LRRTM3: variants seen among roughly 807,000 people sequenced by gnomAD.
LRRTM3 encodes the protein leucine-rich repeat transmembrane neuronal protein 3.
In LRRTM3, 24 loss-of-function variants were observed where a neutral mutation model predicts 44.7. The ratio of observed to expected loss-of-function variants is 0.54; its 90% CI spans 0.39 to 0.76. The LOEUF is 0.76. Among genes scored for constraint, LRRTM3 ranks in the 30% least tolerant of loss-of-function variants. The pLI is 0.00. For synonymous variants in LRRTM3, 277 were observed against 278.7 expected (o/e 0.99, Z 0.06); for missense variants, 587 against 702.2 (o/e 0.84, Z 1.85).
rs560133600 is a variant in LRRTM3 at position 67,098,268 on chromosome 10, G to C, written c.*472G>C. ...AGAGTTACTCAGTTTTGTAAGGACTGTTTTGTTACTGCTTTTGTGCCCAGA... is the reference window on the plus strand; with the variant it reads ...AGAGTTACTCAGTTTTGTAAGGACTCTTTTGTTACTGCTTTTGTGCCCAGA... On this transcript the variant is annotated 3_prime_UTR_variant, in exon 3 of 3. Coordinates refer to ENST00000361320, the MANE Select transcript of LRRTM3 (RefSeq NM_178011.5). The C allele has an allele frequency of 6.5e-6, 1 of 154,460 alleles. No individual in the cohort carries two copies. Among genetic ancestry groups the C allele is most frequent in the South Asian group, 2.0e-4 (1 of 4,960 alleles). The allele number at this position is 154,460 out of a possible 1,614,324, so 9.6% of individuals were successfully genotyped here. A position where few individuals can be genotyped will look rare whatever the true frequency, so the allele number is the denominator to read the frequency against.
chr10:66,929,949 T>C (rs183041339), intron 2 of LRRTM3, among the ~76,000 whole-genome samples: 13 of 152,342 alleles, frequency 8.5e-5, no homozygotes, highest in African/African-American at 2.4e-4. Context: ...ATTGAGGCTG[T>C]TTCATTTAAT....
intron 2 of LRRTM3, among the ~76,000 whole-genome samples, chr10:67,031,430 G>T (rs368500092): frequency 3.9e-5 from 6 of 152,084 alleles, no homozygotes; most frequent in African/African-American, 1.4e-4. Flanking sequence ...ACTATACATT[G>T]TGCTTATCAC....
In LRRTM3 at chr10:67,097,639, T is replaced by G. The variant is rs75363119; in HGVS notation, c.1589T>G (p.Ile530Arg). ...STFLAYDQPTISYCGVHHELL... is the reference protein window; with the variant it reads ...STFLAYDQPTRSYCGVHHELL... ...TTTCTGGCATACGACCAGCCCACAA[T>G]AAGTTACTGTGGGGTGCATCATGAA... Residue 530 changes from isoleucine (I) to arginine (R), a missense_variant, in exon 3 of 3, where the codon ATA (isoleucine) becomes AGA (arginine). Ile to Arg is a moderately conservative substitution (Grantham distance 97). Transcript: ENST00000361320. 11,714 of 1,612,618 alleles carry G rather than the reference T, an allele frequency of 7.3e-3. 544 individuals are homozygous for G. The East Asian group carries it at 0.12, about 16-fold the overall frequency.
chr10:67,005,976 G>C (rs938308306), intron 2 of LRRTM3, among the ~76,000 whole-genome samples: 1 of 151,770 alleles, frequency 6.6e-6, no homozygotes, highest in African/African-American at 2.4e-5. Context: ...GTGAGCCATC[G>C]CACCCAACCT....
intron 2 of LRRTM3, among the ~76,000 whole-genome samples, chr10:67,052,440 G>A (rs899526701): frequency 2.6e-5 from 4 of 151,856 alleles, no homozygotes; most frequent in Non-Finnish European, 4.4e-5. Flanking sequence ...AACGAAATGG[G>A]CTTCACAAAT....
rs201650754 is a variant in LRRTM3 at position 67,097,797 on chromosome 10, C to T, written c.*1C>T. ...TGACCATAAACAGCAGCTAGCTTAA[C>T]TGAGATCATTGGTAGCCAGGGGTTG... is the stretch of plus-strand genomic sequence containing the variant. On this transcript the variant is annotated 3_prime_UTR_variant, in exon 3 of 3. Transcript: ENST00000361320. The T allele has an allele frequency of 1.2e-6, 2 of 1,611,868 alleles. No individual in the cohort carries two copies. The highest frequency in any genetic ancestry group is 8.5e-7 in the Non-Finnish European group (1 of 1,178,632).
chr10:67,005,682 C>CTTTTTTTTT (rs11369576), intron 2 of LRRTM3, among the ~76,000 whole-genome samples: 4,530 of 61,284 alleles, frequency 0.074, 1,293 homozygotes, highest in South Asian at 0.26. Flanking sequence ...TTTACTCCAT[C>CTTTTTTTTT]TTTTTTTTTT....
At chr10:66,948,533 T>C (rs10762121) in intron 2 of LRRTM3, among the ~76,000 whole-genome samples, 112,712 of 152,044 alleles carry the variant, frequency 0.74, 42,474 homozygotes, top group South Asian at 0.83. Context: ...AAGATCTACT[T>C]GGGAAGATTT....
At chr10:66,931,949 A>G (rs1847423244) in intron 2 of LRRTM3, among the ~76,000 whole-genome samples, 1 of 152,194 alleles carries the variant, frequency 6.6e-6, no homozygotes, top group Non-Finnish European at 1.5e-5. Flanking sequence ...GGTAGGAAAA[A>G]CAAATTTTAA....
chr10:67,029,470 A>C (rs926262559), intron 2 of LRRTM3, among the ~76,000 whole-genome samples: 1 of 152,204 alleles, frequency 6.6e-6, no homozygotes, highest in Non-Finnish European at 1.5e-5. Context: ...TCTTAGGAAA[A>C]GCATGATAAC....
At chr10:66,934,885 A>T (rs1282366557) in intron 2 of LRRTM3, among the ~76,000 whole-genome samples, 2 of 152,160 alleles carry the variant, frequency 1.3e-5, no homozygotes, top group Non-Finnish European at 2.9e-5. Flanking sequence ...GTAAGGAGGC[A>T]ATGACTTCAA....
intron 2 of LRRTM3, among the ~76,000 whole-genome samples, chr10:67,080,858 C>A (rs1360333723): frequency 6.0e-5 from 9 of 150,136 alleles, no homozygotes; most frequent in African/African-American, 2.0e-4. Context: ...GCAGTGAGCC[C>A]AGATCTGGCC....
chr10:67,063,963 C>A lies in LRRTM3; in HGVS notation c.1537-33624C>A, dbSNP rs556385290. Among the ~76,000 whole-genome samples the A allele has an allele frequency of 3.3e-5, 5 of 152,278 alleles. No homozygotes were observed. The South Asian group carries it at 1.0e-3, about 32-fold the overall frequency. On this transcript the variant is annotated intron_variant, in intron 2 of 2. Transcript: ENST00000361320. ...ACACACACTCGTCAGCTAATCAACA[C>A]AACAAAAGTAACACAGTCAGTTGGA...
At chr10:67,078,767 C>T (rs1306940612) in intron 2 of LRRTM3, among the ~76,000 whole-genome samples, 6 of 152,218 alleles carry the variant, frequency 3.9e-5, no homozygotes, top group African/African-American at 1.2e-4. Flanking sequence ...CTGCCCACCT[C>T]GGCCCCCCAA....
intron 2 of LRRTM3, among the ~76,000 whole-genome samples, chr10:67,001,809 C>A (rs73324970): frequency 0.017 from 2,626 of 152,212 alleles, 91 homozygotes; most frequent in African/African-American, 0.059. Context: ...GGAAAAGAAA[C>A]CCACCAGTTT....
chr10:67,081,427 A>G (rs1320396396), intron 2 of LRRTM3, among the ~76,000 whole-genome samples: 2 of 152,228 alleles, frequency 1.3e-5, no homozygotes, highest in Non-Finnish European at 2.9e-5. Flanking sequence ...CTCTAGCACT[A>G]ACAACAAAAC....
intron 2 of LRRTM3, among the ~76,000 whole-genome samples, chr10:67,083,408 A>C (rs1857145539): frequency 6.6e-6 from 1 of 152,144 alleles, no homozygotes; most frequent in African/African-American, 2.4e-5. Context: ...GCAAAAAAAA[A>C]AAGTATAGTC....
At chr10:67,022,669 G>C (rs904843648) in intron 2 of LRRTM3, among the ~76,000 whole-genome samples, 2 of 152,136 alleles carry the variant, frequency 1.3e-5, no homozygotes, top group African/African-American at 4.8e-5. Flanking sequence ...CGGGCACGGT[G>C]GTTCATGCCT....
intron 2 of LRRTM3, among the ~76,000 whole-genome samples, chr10:67,020,576 T>C (rs142770228): frequency 6.6e-6 from 1 of 152,332 alleles, no homozygotes; most frequent in East Asian, 1.9e-4. Flanking sequence ...AATTTTGTTA[T>C]GTCTTATCCA....
Sources: allele counts gnomAD v4.1 joint callset (sites outside exome capture counted in the v4.1 genomes callset), GRCh38; gene constraint gnomAD v4.1.1; transcripts MANE v1.5; gene names NCBI Gene and HGNC (gene_info 2026-07-23, HGNC 2026-07-21).